ATRNL1: variants seen among roughly 807,000 people sequenced by gnomAD.
ATRNL1 encodes attractin-like protein 1.
ATRNL1 carries 95 observed loss-of-function variants against 182.7 expected under a neutral mutation model. The observed-to-expected ratio is 0.52, with a 90% CI of 0.44 to 0.62. The LOEUF is 0.62. Among genes scored for constraint, ATRNL1 ranks in the 20% least tolerant of loss-of-function variants. The probability of loss-of-function intolerance (pLI) is 0.00; values close to 1 mark genes in which losing one functional copy is unlikely to be tolerated. For synonymous variants in ATRNL1, 576 were observed against 568.3 expected (o/e 1.01, Z -0.19); for missense variants, 1,471 against 1,679.5 (o/e 0.88, Z 2.17).
chr10:115,664,792 T>G (rs533131464), intron 26 of ATRNL1, among the ~76,000 whole-genome samples: 1 of 152,176 alleles, frequency 6.6e-6, no homozygotes, highest in Admixed American at 6.6e-5. Context: ...AAATCATTTT[T>G]AGGTATTTCT....
In ATRNL1 at chr10:115,421,194, A is replaced by G. The variant is rs541580763; in HGVS notation, c.3270-5056A>G. ...GAGGGCATTCTTCCAAACTCATTCT[A>G]TGAGGCCAGCATTACCCTGATAACA... On this transcript the variant is annotated intron_variant, in intron 20 of 28. Coordinates refer to ENST00000355044, the MANE Select transcript of ATRNL1 (RefSeq NM_207303.4). Among the ~76,000 whole-genome samples the G allele has an allele frequency of 8.5e-5, 13 of 152,288 alleles. No homozygotes were observed. In the South Asian group the frequency reaches 1.4e-3, roughly 17 times the overall value.
intron 26 of ATRNL1, among the ~76,000 whole-genome samples, chr10:115,724,502 C>G (rs2134053230): frequency 6.6e-6 from 1 of 152,032 alleles, no homozygotes; most frequent in South Asian, 2.1e-4. Flanking sequence ...GTGGAACAGC[C>G]CAAGTGTGTT....
At chr10:115,416,707 G>A (rs534045355) in intron 20 of ATRNL1, among the ~76,000 whole-genome samples, 1 of 152,164 alleles carries the variant, frequency 6.6e-6, no homozygotes, top group South Asian at 2.1e-4. Context: ...CCATTCCTTT[G>A]TAAAACTTAT....
intron 27 of ATRNL1, among the ~76,000 whole-genome samples, chr10:115,738,125 GATT>G (rs1948016247): frequency 1.1e-4 from 6 of 53,148 alleles, no homozygotes; most frequent in Admixed American, 3.1e-4. Flanking sequence ...AGAAGATAAT[GATT>G]TTTTTTTTTT....
intron 26 of ATRNL1, among the ~76,000 whole-genome samples, chr10:115,568,480 A>G (rs1555002546): frequency 6.6e-6 from 1 of 152,052 alleles, no homozygotes; most frequent in Admixed American, 6.6e-5. Flanking sequence ...TTCAGGTAAT[A>G]TTGATCATAA....
At chr10:115,740,593 C>A (rs1214811493) in intron 27 of ATRNL1, among the ~76,000 whole-genome samples, 1 of 152,148 alleles carries the variant, frequency 6.6e-6, no homozygotes, top group Non-Finnish European at 1.5e-5. Context: ...GCAACCTCCA[C>A]CTCCCGGGTT....
At chr10:115,783,273 G>A (rs968957484) in intron 27 of ATRNL1, among the ~76,000 whole-genome samples, 2 of 151,876 alleles carry the variant, frequency 1.3e-5, no homozygotes, top group Non-Finnish European at 2.9e-5. Context: ...TGTGTATTAA[G>A]GGCAGGTAGT....
At chr10:115,676,338 A>G (rs955164490) in intron 26 of ATRNL1, among the ~76,000 whole-genome samples, 1 of 152,174 alleles carries the variant, frequency 6.6e-6, no homozygotes, top group Admixed American at 6.6e-5. Context: ...GAAAACAGTT[A>G]ATAATACTTC....
At chr10:115,544,016 A>T (rs1290963019) in intron 25 of ATRNL1, among the ~76,000 whole-genome samples, 1 of 152,024 alleles carries the variant, frequency 6.6e-6, no homozygotes, top group Non-Finnish European at 1.5e-5. Flanking sequence ...TTTGAAAAAG[A>T]AAGCCCAATT....
intron 28 of ATRNL1, among the ~76,000 whole-genome samples, chr10:115,938,484 G>A (rs555600306): frequency 2.6e-5 from 4 of 152,220 alleles, no homozygotes; most frequent in Non-Finnish European, 5.9e-5. Flanking sequence ...TTCTAAGGTT[G>A]CAGGTGAAGG....
intron 9 of ATRNL1, among the ~76,000 whole-genome samples, chr10:115,231,135 T>C (rs1179220477): frequency 1.3e-5 from 2 of 152,078 alleles, no homozygotes; most frequent in Non-Finnish European, 2.9e-5. Flanking sequence ...TTTCAGGATC[T>C]GGACACTCTA....
At chr10:115,823,396 C>G (rs1371637849) in intron 27 of ATRNL1, among the ~76,000 whole-genome samples, 2 of 152,172 alleles carry the variant, frequency 1.3e-5, no homozygotes, top group East Asian at 1.9e-4. Context: ...CTCATCACTC[C>G]TATTCAACAT....
At chr10:115,245,720 C>T (rs1379239667) in intron 10 of ATRNL1, among the ~76,000 whole-genome samples, 1 of 151,866 alleles carries the variant, frequency 6.6e-6, no homozygotes, top group African/African-American at 2.4e-5. Context: ...AATCTGCTTG[C>T]TTTTCATGTT....
At chr10:115,386,044 T>G (rs1428279509) in intron 19 of ATRNL1, among the ~76,000 whole-genome samples, 3 of 152,164 alleles carry the variant, frequency 2.0e-5, no homozygotes, top group Non-Finnish European at 4.4e-5. Context: ...CTTCATGTTT[T>G]AAGATGTATA....
intron 26 of ATRNL1, among the ~76,000 whole-genome samples, chr10:115,660,154 G>A (rs569632690): frequency 6.6e-6 from 1 of 152,220 alleles, no homozygotes; most frequent in Admixed American, 6.5e-5. Context: ...TTCACCTGGT[G>A]GGGAAGAAGA....
rs75063682 is a variant in ATRNL1, at chr10:115,665,773, C to T, written c.3796-61475C>T. ...TGAAGAGTCATTATCTAGAAAGATT[C>T]GCCTGAATAAGGCAGACATTGGACC... On this transcript the variant is annotated intron_variant, in intron 26 of 28. Transcript: ENST00000355044. Among the ~76,000 whole-genome samples the T allele has an allele frequency of 3.4e-3, 513 of 152,222 alleles. 2 individuals carry two copies. In the East Asian group the frequency reaches 0.041, roughly 12 times the overall value.
At chr10:115,273,153 T>G (rs1851947268) in intron 13 of ATRNL1, among the ~76,000 whole-genome samples, 1 of 152,058 alleles carries the variant, frequency 6.6e-6, no homozygotes, top group African/African-American at 2.4e-5. Context: ...TCAGCAGTGG[T>G]CATAGCCAGG....
intron 26 of ATRNL1, among the ~76,000 whole-genome samples, chr10:115,619,971 T>A (rs1463214647): frequency 6.6e-6 from 1 of 152,200 alleles, no homozygotes; most frequent in Non-Finnish European, 1.5e-5. Flanking sequence ...GATAGAGGTG[T>A]TTACATTAAG....
intron 28 of ATRNL1, among the ~76,000 whole-genome samples, chr10:115,914,362 C>A (rs1031090796): frequency 5.9e-5 from 9 of 152,152 alleles, no homozygotes; most frequent in Non-Finnish European, 1.3e-4. Context: ...AGGAAGAAAT[C>A]TGGTGTTGTC....
Sources: allele counts gnomAD v4.1 joint callset (sites outside exome capture counted in the v4.1 genomes callset), GRCh38; gene constraint gnomAD v4.1.1; transcripts MANE v1.5; gene names NCBI Gene and HGNC (gene_info 2026-07-23, HGNC 2026-07-21).